PDGFD: variants seen among roughly 807,000 people sequenced by gnomAD.
The protein encoded by PDGFD is platelet-derived growth factor D.
PDGFD carries 30 observed loss-of-function variants against 44.7 expected under a neutral mutation model. The ratio of observed to expected loss-of-function variants is 0.67; its 90% CI spans 0.50 to 0.91. PDGFD has a LOEUF of 0.91. PDGFD is among the 40% of genes least tolerant of loss of function. The pLI is 0.00. For missense variants in PDGFD, 445 were observed against 457.8 expected, an observed-to-expected ratio of 0.97 and a Z score of 0.25; for synonymous variants, 173 against 168.4, an observed-to-expected ratio of 1.03 and a Z score of -0.21.
intron 1 of PDGFD, chr11:104,037,413 G>A: frequency 6.2e-7 from 1 of 1,614,112 alleles, no homozygotes; most frequent in Admixed American, 1.7e-5. Flanking sequence ...AGCAAGAGAG[G>A]CTTCGTCTCT....
chr11:103,922,556 G>T (rs888426382), intron 6 of PDGFD, among the ~76,000 whole-genome samples: 9 of 143,866 alleles, frequency 6.3e-5, no homozygotes, highest in Admixed American at 4.8e-4. Context: ...ATTCCCCCCC[G>T]CCTTTTTGTT....
intron 1 of PDGFD, among the ~76,000 whole-genome samples, chr11:104,069,815 G>C (rs574692833): frequency 6.6e-6 from 1 of 152,278 alleles, no homozygotes; most frequent in Admixed American, 6.5e-5. Context: ...AGTCTAGCTC[G>C]TGCCACTGCA....
chr11:104,002,041 C>T (rs1284084205), intron 1 of PDGFD, among the ~76,000 whole-genome samples: 1 of 152,090 alleles, frequency 6.6e-6, no homozygotes, highest in Non-Finnish European at 1.5e-5. Flanking sequence ...GAGGGATGTC[C>T]CCACTCCCTG....
chr11:103,996,789 T>C (rs1859539165), intron 2 of PDGFD, among the ~76,000 whole-genome samples: 1 of 152,218 alleles, frequency 6.6e-6, no homozygotes, highest in Non-Finnish European at 1.5e-5. Flanking sequence ...TCTTTTGGAA[T>C]GATCACGTCA....
chr11:104,008,333 TG>T (rs1859734097), intron 1 of PDGFD, among the ~76,000 whole-genome samples: 4 of 152,156 alleles, frequency 2.6e-5, no homozygotes, highest in African/African-American at 7.2e-5. Context: ...AAATCTTCAA[TG>T]GGTAAGTGGT....
chr11:103,925,936 C>T (rs959070245), intron 6 of PDGFD, among the ~76,000 whole-genome samples: 1 of 151,904 alleles, frequency 6.6e-6, no homozygotes, highest in Admixed American at 6.6e-5. Flanking sequence ...GCCATGTTGG[C>T]CACGCTGTTC....
At chr11:103,963,343 A>C (rs1413547816) in intron 3 of PDGFD, among the ~76,000 whole-genome samples, 8 of 152,184 alleles carry the variant, frequency 5.3e-5, no homozygotes, top group Non-Finnish European at 4.4e-5. Context: ...GCACAGATAC[A>C]TTAGATAAAA....
At chr11:103,959,364 G>C (rs1233218439) in intron 3 of PDGFD, among the ~76,000 whole-genome samples, 1 of 152,122 alleles carries the variant, frequency 6.6e-6, no homozygotes, top group Non-Finnish European at 1.5e-5. Flanking sequence ...CCTTTTTCTT[G>C]ACCTGACTTC....
Position 103,990,637 on chromosome 11 carries a change from C to G in PDGFD, c.510+5428G>C, listed in dbSNP as rs80018886. Among the ~76,000 whole-genome samples, 3,272 of 152,234 alleles carry G rather than the reference C, an allele frequency of 0.021. 168 individuals are homozygous for G. In the East Asian group the frequency reaches 0.25, roughly 12 times the overall value. ...AGTAGGCATTTATGAAACTATATTGCAGCTCTTGCAGCTCTGAAATCTCCA... is the reference window on the plus strand; with the variant it reads ...AGTAGGCATTTATGAAACTATATTGGAGCTCTTGCAGCTCTGAAATCTCCA... On this transcript the variant is annotated intron_variant, in intron 3 of 6. Coordinates refer to ENST00000393158, the MANE Select transcript of PDGFD (RefSeq NM_025208.5).
chr11:103,996,636 AC>A (rs1859537389), intron 2 of PDGFD, among the ~76,000 whole-genome samples: 1 of 152,220 alleles, frequency 6.6e-6, no homozygotes, highest in South Asian at 2.1e-4. Context: ...TAAAACAAAT[AC>A]CCACTCTGAA....
intron 1 of PDGFD, among the ~76,000 whole-genome samples, chr11:104,161,950 AGTGTGTGT>A (rs3050634): frequency 2.0e-5 from 3 of 148,908 alleles, no homozygotes; most frequent in Non-Finnish European, 4.5e-5. Context: ...AATCAAAGAG[AGTGTGTGT>A]GTGTGTGTGT....
At chr11:104,075,627 G>C (rs1311213165) in intron 1 of PDGFD, among the ~76,000 whole-genome samples, 23 of 151,940 alleles carry the variant, frequency 1.5e-4, no homozygotes, top group Admixed American at 1.5e-3. Context: ...AAGTAGTTAG[G>C]ACTACAGGTG....
intron 6 of PDGFD, among the ~76,000 whole-genome samples, chr11:103,921,393 A>G (rs1433183037): frequency 6.6e-6 from 1 of 152,170 alleles, no homozygotes; most frequent in African/African-American, 2.4e-5. Context: ...TTTTTTTTCA[A>G]TAACAGACGT....
At chr11:103,965,138 T>C (rs1858995991) in intron 3 of PDGFD, among the ~76,000 whole-genome samples, 2 of 152,248 alleles carry the variant, frequency 1.3e-5, no homozygotes, top group East Asian at 1.9e-4. Flanking sequence ...GACCTTGATA[T>C]ACAGCCACTG....
At chr11:103,956,689 G>A (rs1303250775) in intron 3 of PDGFD, among the ~76,000 whole-genome samples, 3 of 152,004 alleles carry the variant, frequency 2.0e-5, no homozygotes, top group African/African-American at 7.3e-5. Flanking sequence ...CAGTGTAAAA[G>A]TATTCCTATT....
At chr11:104,035,862 C>T (rs1029848354) in intron 1 of PDGFD, among the ~76,000 whole-genome samples, 1 of 152,142 alleles carries the variant, frequency 6.6e-6, no homozygotes, top group African/African-American at 2.4e-5. Context: ...TTGTCTCCTC[C>T]TTAGGAAAAT....
chr11:104,128,034 AT>A (rs377370138), intron 1 of PDGFD, among the ~76,000 whole-genome samples: 4 of 152,258 alleles, frequency 2.6e-5, no homozygotes, highest in African/African-American at 9.6e-5. Context: ...TCAGGAACTA[AT>A]CCAGAAGAAT....
intron 6 of PDGFD, among the ~76,000 whole-genome samples, chr11:103,920,613 G>T (rs1168858643): frequency 6.6e-6 from 1 of 152,204 alleles, no homozygotes; most frequent in East Asian, 1.9e-4. Flanking sequence ...TCACTAACTT[G>T]TAAGTGAGTC....
intron 3 of PDGFD, among the ~76,000 whole-genome samples, chr11:103,977,275 T>C (rs1396927533): frequency 3.9e-5 from 6 of 152,090 alleles, no homozygotes; most frequent in Non-Finnish European, 8.8e-5. Flanking sequence ...AAAGAGGAGC[T>C]GGTACCATTC....
Sources: allele counts gnomAD v4.1 joint callset (sites outside exome capture counted in the v4.1 genomes callset), GRCh38; gene constraint gnomAD v4.1.1; transcripts MANE v1.5; gene names NCBI Gene and HGNC (gene_info 2026-07-23, HGNC 2026-07-21).